MARCHF10: variants seen among roughly 807,000 people sequenced by gnomAD.
MARCHF10 encodes membrane associated ring-CH-type finger 10.
In MARCHF10, 64 loss-of-function variants were observed where a neutral mutation model predicts 76.2. The observed-to-expected ratio is 0.84, with a 90% CI of 0.69 to 1.03. The LOEUF is 1.03. MARCHF10 is among the 50% of genes least tolerant of loss of function. MARCHF10 has a pLI of 0.00. For missense variants in MARCHF10, 875 were observed against 958.0 expected (o/e 0.91, Z 1.14); for synonymous variants, 340 against 357.5 (o/e 0.95, Z 0.55).
At chr17:62,777,658 GA>G (rs942746857) in intron 3 of MARCHF10, among the ~76,000 whole-genome samples, 6 of 136,584 alleles carry the variant, frequency 4.4e-5, no homozygotes, top group African/African-American at 1.6e-4. Flanking sequence ...CGCTTGCAGT[GA>G]ACCGAGATCC....
chr17:62,779,048 TTC>T (rs1341060991), intron 3 of MARCHF10, among the ~76,000 whole-genome samples: 3 of 152,160 alleles, frequency 2.0e-5, no homozygotes, highest in Admixed American at 6.5e-5. Context: ...GGGCTGCACA[TTC>T]TCTCTCCATG....
At chr17:62,768,570 T>C (rs2092383876) in intron 3 of MARCHF10, among the ~76,000 whole-genome samples, 1 of 152,204 alleles carries the variant, frequency 6.6e-6, no homozygotes, top group Non-Finnish European at 1.5e-5. Context: ...CTTGCAGCAA[T>C]AGATACCTTT....
At chr17:62,746,258 AC>A (rs1289485692) in intron 4 of MARCHF10, among the ~76,000 whole-genome samples, 6 of 152,168 alleles carry the variant, frequency 3.9e-5, no homozygotes, top group African/African-American at 1.4e-4. Flanking sequence ...CAGGGAACTT[AC>A]TAGAAGAGGG....
At chr17:62,807,960 G>C (rs1175154890) in intron 1 of MARCHF10, 117 bp downstream of exon 1, 1 of 152,282 alleles carries the variant, frequency 6.6e-6, no homozygotes, top group Non-Finnish European at 1.5e-5. Flanking sequence ...GGAGGGGACG[G>C]CCAGGCCACC....
chr17:62,779,087 C>T (rs8070935), intron 3 of MARCHF10, among the ~76,000 whole-genome samples: 7,343 of 152,242 alleles, frequency 0.048, 597 homozygotes, highest in African/African-American at 0.17. Flanking sequence ...CCAGATGCTG[C>T]GTGCAGAGCT....
intron 8 of MARCHF10, among the ~76,000 whole-genome samples, chr17:62,715,954 C>T (rs147646363): frequency 4.5e-4 from 69 of 152,306 alleles, no homozygotes; most frequent in African/African-American, 1.5e-3. Flanking sequence ...TGACCCGGCA[C>T]CTAGAGGACA....
intron 5 of MARCHF10, among the ~76,000 whole-genome samples, chr17:62,742,697 CTTTTTTCTTT>C (rs747878760): frequency 6.7e-6 from 1 of 149,492 alleles, no homozygotes. Flanking sequence ...TTTCTTTTTT[CTTTTTTCTTT>C]TTTTTTTTTG....
chr17:62,784,101 T>C (rs905051524), intron 3 of MARCHF10, among the ~76,000 whole-genome samples: 2 of 152,204 alleles, frequency 1.3e-5, no homozygotes, highest in Admixed American at 6.5e-5. Context: ...GTATCCCTGA[T>C]GAACATCGAT....
intron 3 of MARCHF10, among the ~76,000 whole-genome samples, chr17:62,773,241 A>T (rs1039621853): frequency 2.0e-4 from 31 of 152,122 alleles, no homozygotes; most frequent in African/African-American, 6.3e-4. Flanking sequence ...GGCTTTGCAG[A>T]AGCTCAGAAG....
intron 3 of MARCHF10, among the ~76,000 whole-genome samples, chr17:62,774,911 G>A (rs2092519469): frequency 6.6e-6 from 1 of 151,770 alleles, no homozygotes; most frequent in African/African-American, 2.4e-5. Flanking sequence ...AAAATTAGCC[G>A]GGTGTGGTAG....
At chr17:62,744,305 A>C in intron 5 of MARCHF10, 71 bp downstream of exon 5, 1 of 1,505,578 alleles carries the variant, frequency 6.6e-7, no homozygotes, top group Non-Finnish European at 9.0e-7. Flanking sequence ...AACCATAAAG[A>C]ATTCACCGGG....
intron 2 of MARCHF10, chr17:62,794,976 G>T: frequency 9.2e-6 from 9 of 977,344 alleles, no homozygotes; most frequent in Admixed American, 6.2e-5. Context: ...CCTCCAGCTA[G>T]TTTTTTTTCC....
At chr17:62,781,742 G>A (rs906317422) in intron 3 of MARCHF10, among the ~76,000 whole-genome samples, 23 of 152,192 alleles carry the variant, frequency 1.5e-4, no homozygotes, top group Admixed American at 1.2e-3. Context: ...GCCATTATTT[G>A]ATGGTAAATG....
intron 3 of MARCHF10, among the ~76,000 whole-genome samples, chr17:62,772,217 T>C (rs1295967017): frequency 6.6e-6 from 1 of 152,110 alleles, no homozygotes; most frequent in Non-Finnish European, 1.5e-5. Flanking sequence ...GGGTCTTTCC[T>C]GTGTTGTTCT....
rs376661335 is a variant in MARCHF10 at position 62,737,228 on chromosome 17, C to A, written c.640G>T (p.Ala214Ser). The A allele has an allele frequency of 5.0e-6, 8 of 1,613,872 alleles. No homozygotes were observed. Among genetic ancestry groups the A allele is most frequent in the African/African-American group, 1.3e-5 (1 of 74,862 alleles). The change falls in exon 6 of 11, where the codon GCC becomes TCC. Residue 214 changes from alanine to serine, a missense_variant. By Grantham distance (99) the Ala-to-Ser change is moderately conservative. Transcript: ENST00000311269. ...TCTCCTTTTTTGGCTCTATCAGGGG[C>A]GTTCTCAGTCATTGGCTGTGACGAT... ...VPSSQPMTEN[A>S]PDRAKKGDPS... is the part of the protein sequence containing the mutation.
At chr17:62,788,924 G>A (rs1241996151) in intron 2 of MARCHF10, among the ~76,000 whole-genome samples, 7 of 151,454 alleles carry the variant, frequency 4.6e-5, no homozygotes, top group East Asian at 1.9e-4. Flanking sequence ...TTAGCCGGGC[G>A]CGGTGGCGGG....
intron 5 of MARCHF10, among the ~76,000 whole-genome samples, chr17:62,742,717 G>A (rs1320837827): frequency 1.5e-5 from 2 of 137,474 alleles, no homozygotes; most frequent in African/African-American, 5.6e-5. Context: ...TTTTTTTTTT[G>A]AGAAAGTGTC....
At chr17:62,730,260 G>A (rs182409132) in intron 6 of MARCHF10, among the ~76,000 whole-genome samples, 31 of 152,246 alleles carry the variant, frequency 2.0e-4, no homozygotes, top group African/African-American at 7.2e-4. Context: ...AACAATAAAT[G>A]TGTATAATTG....
intron 1 of MARCHF10, 51 bp from the exon 2 acceptor site, chr17:62,801,803 T>A: frequency 7.8e-7 from 1 of 1,281,444 alleles, no homozygotes; most frequent in Non-Finnish European, 1.1e-6. Flanking sequence ...TTTGTCGTGA[T>A]GCCGTATTTG....
Sources: allele counts gnomAD v4.1 joint callset (sites outside exome capture counted in the v4.1 genomes callset), GRCh38; gene constraint gnomAD v4.1.1; transcripts MANE v1.5; gene names NCBI Gene and HGNC (gene_info 2026-07-23, HGNC 2026-07-21).